Variants in PDE7B observed in about 807,000 individuals in gnomAD.
PDE7B encodes the protein phosphodiesterase 7B.
Under a neutral mutation model 56.2 loss-of-function variants are expected in PDE7B, and 29 were observed. The ratio of observed to expected loss-of-function variants is 0.52; its 90% CI spans 0.38 to 0.70. The LOEUF (loss-of-function observed/expected upper bound fraction) is 0.70. Among genes scored for constraint, PDE7B ranks in the 30% least tolerant of loss-of-function variants. The pLI, the probability that PDE7B is intolerant of heterozygous loss-of-function variation, is 0.00. For missense variants in PDE7B, 490 were observed against 565.0 expected (o/e 0.87, Z 1.35); for synonymous variants, 197 against 196.9 (o/e 1.00, Z 0.00).
At chr6:136,051,913 T>C (rs1473100544) in intron 2 of PDE7B, among the ~76,000 whole-genome samples, 1 of 152,158 alleles carries the variant, frequency 6.6e-6, no homozygotes, top group African/African-American at 2.4e-5. Flanking sequence ...GACATTTTCC[T>C]AACTTCAGAA....
intron 11 of PDE7B, 27 bp from the exon 12 acceptor site, chr6:136,187,009 T>C: frequency 8.1e-7 from 1 of 1,240,312 alleles, no homozygotes; most frequent in Non-Finnish European, 1.2e-6. Context: ...TACCAATGTG[T>C]TTTTTTCTTT....
intron 2 of PDE7B, among the ~76,000 whole-genome samples, chr6:136,028,504 C>T (rs1275757209): frequency 6.6e-6 from 1 of 152,240 alleles, no homozygotes; most frequent in East Asian, 1.9e-4. Context: ...CATTATCTTA[C>T]AGTTCTGGAG....
At chr6:135,988,936 G>T (rs900871203) in intron 2 of PDE7B, among the ~76,000 whole-genome samples, 1 of 152,124 alleles carries the variant, frequency 6.6e-6, no homozygotes, top group African/African-American at 2.4e-5. Context: ...AAATCGATCT[G>T]TCTGTTAATT....
At chr6:135,915,807 C>T (rs1442882997) in intron 1 of PDE7B, among the ~76,000 whole-genome samples, 2 of 152,158 alleles carry the variant, frequency 1.3e-5, no homozygotes, top group South Asian at 2.1e-4. Context: ...ACGGAATGTG[C>T]GTCTGTCTGT....
At chr6:136,099,336 T>C (rs1021628657) in intron 2 of PDE7B, among the ~76,000 whole-genome samples, 1 of 152,224 alleles carries the variant, frequency 6.6e-6, no homozygotes, top group African/African-American at 2.4e-5. Context: ...TTCTAGATCC[T>C]TGAGGAATCG....
intron 2 of PDE7B, among the ~76,000 whole-genome samples, chr6:136,031,139 G>A (rs1751944074): frequency 6.6e-6 from 1 of 152,218 alleles, no homozygotes; most frequent in African/African-American, 2.4e-5. Context: ...GGTGTATCTG[G>A]AAAGACTGGG....
chr6:136,104,903 A>G (rs1181676057), intron 2 of PDE7B, among the ~76,000 whole-genome samples: 2 of 152,170 alleles, frequency 1.3e-5, no homozygotes, highest in Non-Finnish European at 1.5e-5. Context: ...TCAGCACTGA[A>G]ATGGAATCTT....
chr6:135,979,033 T>C (rs1775245242), intron 2 of PDE7B, among the ~76,000 whole-genome samples: 1 of 151,972 alleles, frequency 6.6e-6, no homozygotes, highest in African/African-American at 2.4e-5. Context: ...CAGCTCTTAT[T>C]ATTTTGAAAT....
intron 2 of PDE7B, among the ~76,000 whole-genome samples, chr6:136,099,262 A>G (rs1777521956): frequency 6.6e-6 from 1 of 152,198 alleles, no homozygotes; most frequent in Admixed American, 6.5e-5. Context: ...TTATAGCAGC[A>G]TGATTTATAA....
chr6:136,115,560 G>T (rs1345689510), intron 3 of PDE7B, among the ~76,000 whole-genome samples: 1 of 152,106 alleles, frequency 6.6e-6, no homozygotes, highest in Non-Finnish European at 1.5e-5. Context: ...TATTCAAAAA[G>T]AAACCATTTT....
intron 2 of PDE7B, among the ~76,000 whole-genome samples, chr6:135,948,075 T>A (rs942637792): frequency 2.0e-5 from 3 of 152,056 alleles, no homozygotes; most frequent in Admixed American, 2.0e-4. Context: ...ACTCTTTTAA[T>A]ATATACTGTT....
At chr6:136,131,196 A>C (rs1007613456) in intron 3 of PDE7B, among the ~76,000 whole-genome samples, 3 of 152,222 alleles carry the variant, frequency 2.0e-5, no homozygotes, top group African/African-American at 4.8e-5. Context: ...TTCATTTGAC[A>C]ACTACCAAAA....
intron 3 of PDE7B, 99 bp downstream of exon 3, chr6:136,108,913 T>C (rs963957911): frequency 1.5e-5 from 12 of 789,882 alleles, no homozygotes; most frequent in Middle Eastern, 2.5e-4. Context: ...TTCTGGGGTC[T>C]GCCTTCCTTC....
chr6:135,870,524 TGTACATTTCACAA>T (rs903062435), intron 1 of PDE7B, among the ~76,000 whole-genome samples: 4 of 151,008 alleles, frequency 2.6e-5, no homozygotes. Flanking sequence ...ACTTGTGAAA[TGTACATTTCACAA>T]GTACATATCA....
chr6:136,195,084 A>G lies in PDE7B; in HGVS notation c.*3244A>G, dbSNP rs1039614048. 6.6e-6 allele frequency: 1 copy of G among 152,196 alleles called. No homozygotes were observed. The highest frequency in any genetic ancestry group is 1.5e-5 in the Non-Finnish European group (1 of 68,030). 9.4% of individuals were successfully genotyped at this position (152,196 alleles called of 1,614,324 possible). ...GTTAAGATTAAATTAAGACAGAGAG[A>G]GAATACATATCACTGCCAGGCCTGA... On this transcript the variant is annotated 3_prime_UTR_variant, in exon 13 of 13. Coordinates refer to ENST00000308191, the MANE Select transcript of PDE7B (RefSeq NM_018945.4).
At chr6:135,939,969 A>G (rs563805796) in intron 1 of PDE7B, among the ~76,000 whole-genome samples, 9 of 152,190 alleles carry the variant, frequency 5.9e-5, no homozygotes, top group African/African-American at 2.2e-4. Flanking sequence ...TATTTGATAC[A>G]ATGCTAGAGT....
chr6:136,141,242 G>A (rs1187244310), intron 3 of PDE7B, among the ~76,000 whole-genome samples: 1 of 152,122 alleles, frequency 6.6e-6, no homozygotes, highest in East Asian at 1.9e-4. Flanking sequence ...TTTTGTCTTT[G>A]GTTCTGTTTA....
intron 2 of PDE7B, among the ~76,000 whole-genome samples, chr6:136,036,929 T>G (rs895075467): frequency 6.6e-6 from 1 of 152,234 alleles, no homozygotes; most frequent in Non-Finnish European, 1.5e-5. Context: ...TACCCTACTT[T>G]CGTTTCTGTC....
At chr6:136,144,574 T>C (rs1778383862) in intron 3 of PDE7B, among the ~76,000 whole-genome samples, 1 of 152,172 alleles carries the variant, frequency 6.6e-6, no homozygotes, top group Admixed American at 6.6e-5. Context: ...CATAAATCCA[T>C]ATCCAAAATT....
Sources: allele counts gnomAD v4.1 joint callset (sites outside exome capture counted in the v4.1 genomes callset), GRCh38; gene constraint gnomAD v4.1.1; transcripts MANE v1.5; gene names NCBI Gene and HGNC (gene_info 2026-07-23, HGNC 2026-07-21).